SLC35F1: variants seen among roughly 807,000 people sequenced by gnomAD.
The protein encoded by SLC35F1 is chromosome 6 open reading frame 169.
SLC35F1 carries 14 observed loss-of-function variants against 48.7 expected under a neutral mutation model. That is an observed-to-expected ratio of 0.29 (90% CI 0.19 to 0.45). The LOEUF (loss-of-function observed/expected upper bound fraction) is 0.45, where lower values mean the gene tolerates loss of function less well. Among genes scored for constraint, SLC35F1 ranks in the 20% least tolerant of loss-of-function variants. The pLI, the probability that SLC35F1 is intolerant of heterozygous loss-of-function variation, is 1.00. For missense variants in SLC35F1, 404 were observed against 500.0 expected (o/e 0.81, Z 1.83); for synonymous variants, 190 against 202.2 (o/e 0.94, Z 0.51).
chr6:118,080,071 A>T (rs1183509555), intron 1 of SLC35F1, among the ~76,000 whole-genome samples: 1 of 152,198 alleles, frequency 6.6e-6, no homozygotes, highest in Non-Finnish European at 1.5e-5. Flanking sequence ...ACTGAACATT[A>T]AAAAAATTTA....
At position 117,999,403 on chromosome 6, in the gene SLC35F1, T is replaced by A. The variant is rs1777052667; in HGVS notation, c.173+91504T>A. The A allele has an allele frequency of 5.7e-6, 9 of 1,586,770 alleles. No homozygotes were observed. In the South Asian group the frequency reaches 8.8e-5, roughly 16 times the overall value. ...CTGCAGCTCCAGCTTCAGTTCCAGC[T>A]CAGGCTCCCAAAGGTACCCAGGCCC... On this transcript the variant is annotated intron_variant, in intron 1 of 7. Transcript: ENST00000360388.
intron 1 of SLC35F1, among the ~76,000 whole-genome samples, chr6:117,954,826 A>G (rs1271949200): frequency 2.0e-5 from 3 of 152,170 alleles, no homozygotes; most frequent in Admixed American, 1.3e-4. Context: ...TTTCTTGTCT[A>G]TGTAAATGGC....
chr6:117,911,549 C>T (rs553156991), intron 1 of SLC35F1, among the ~76,000 whole-genome samples: 1 of 151,832 alleles, frequency 6.6e-6, no homozygotes, highest in Admixed American at 6.6e-5. Context: ...GATTCTCCCA[C>T]CTCAGCCTCC....
chr6:118,054,900 C>T (rs1209153771), intron 1 of SLC35F1, among the ~76,000 whole-genome samples: 1 of 152,148 alleles, frequency 6.6e-6, no homozygotes, highest in Non-Finnish European at 1.5e-5. Flanking sequence ...CCTCAGCCTC[C>T]CGAGTAGCTA....
At chr6:117,926,193 T>G (rs924766078) in intron 1 of SLC35F1, among the ~76,000 whole-genome samples, 4 of 152,084 alleles carry the variant, frequency 2.6e-5, no homozygotes, top group African/African-American at 9.7e-5. Flanking sequence ...TGAGGGTGGT[T>G]TCCGCCATGC....
At chr6:118,039,796 A>ATTGT (rs1772184992) in intron 1 of SLC35F1, among the ~76,000 whole-genome samples, 1 of 55,916 alleles carries the variant, frequency 1.8e-5, no homozygotes, top group Non-Finnish European at 4.8e-5. Flanking sequence ...GCATCTCAGG[A>ATTGT]TTGTTTTTTT....
At chr6:118,119,494 G>GCCC (rs369126799) in intron 1 of SLC35F1, among the ~76,000 whole-genome samples, 6,216 of 50,978 alleles carry the variant, frequency 0.12, 356 homozygotes, top group East Asian at 0.23. Context: ...AATAACCGGC[G>GCCC]CCCCCCCTCC....
chr6:118,291,307 G>A (rs1041867989), intron 7 of SLC35F1, among the ~76,000 whole-genome samples: 1 of 150,198 alleles, frequency 6.7e-6, no homozygotes, highest in Non-Finnish European at 1.5e-5. Flanking sequence ...TTTGGGAAAA[G>A]CTGTGTGTAT....
rs1416452188 is a variant in SLC35F1, at chr6:118,316,528, A to G, written c.*2276A>G. On this transcript the variant is annotated 3_prime_UTR_variant, in exon 8 of 8. Coordinates refer to ENST00000360388, the MANE Select transcript of SLC35F1 (RefSeq NM_001029858.4). ...GCATTTTTAGTATTTATTTTAAGCC[A>G]GATGTTTTCATCTTTGATTCATTTT... 1 of 152,646 alleles carries G rather than the reference A, an allele frequency of 6.6e-6. No homozygotes were observed. Among genetic ancestry groups the G allele is most frequent in the Admixed American group, 6.5e-5 (1 of 15,284 alleles). 9.5% of individuals were successfully genotyped at this position (152,646 alleles called of 1,614,324 possible).
intron 1 of SLC35F1, among the ~76,000 whole-genome samples, chr6:117,931,802 G>T (rs1309317316): frequency 6.6e-6 from 1 of 152,224 alleles, no homozygotes; most frequent in Non-Finnish European, 1.5e-5. Context: ...ACTGCAGCCA[G>T]TTGCTGCTTA....
intron 1 of SLC35F1, among the ~76,000 whole-genome samples, chr6:118,117,120 T>C (rs1396044034): frequency 1.3e-5 from 2 of 152,198 alleles, no homozygotes; most frequent in African/African-American, 4.8e-5. Context: ...CCCACTCTTC[T>C]TTACCAAAAT....
At chr6:118,123,495 G>T (rs987667943) in intron 1 of SLC35F1, among the ~76,000 whole-genome samples, 6 of 151,998 alleles carry the variant, frequency 3.9e-5, no homozygotes, top group African/African-American at 1.4e-4. Context: ...TTAATAAATG[G>T]CAAGAAAAGA....
At chr6:118,153,195 G>A (rs918397218) in intron 1 of SLC35F1, among the ~76,000 whole-genome samples, 2 of 152,186 alleles carry the variant, frequency 1.3e-5, no homozygotes, top group East Asian at 3.9e-4. Context: ...ATGTAACACC[G>A]CAAATCCTTT....
chr6:117,990,244 AG>A (rs1189465341), intron 1 of SLC35F1, among the ~76,000 whole-genome samples: 2 of 152,202 alleles, frequency 1.3e-5, no homozygotes, highest in African/African-American at 2.4e-5. Flanking sequence ...TGAGCTTTAG[AG>A]TCACAGTTAT....
intron 6 of SLC35F1, 27 bp from the exon 7 acceptor site, chr6:118,285,157 G>A (rs562077588): frequency 2.6e-5 from 42 of 1,607,324 alleles, no homozygotes; most frequent in East Asian, 4.5e-5. Flanking sequence ...AGGCCCTGAC[G>A]CTGCCTTCTC....
At chr6:118,108,827 TGACATTTTATGGGTATGTTATTTTCTC>T in intron 1 of SLC35F1, among the ~76,000 whole-genome samples, 1 of 152,186 alleles carries the variant, frequency 6.6e-6, no homozygotes, top group Non-Finnish European at 1.5e-5. Context: ...TATGTTACAG[TGACATTTTATGGGTATGTTATTTTCTC>T]ACACTGGGAA....
intron 2 of SLC35F1, among the ~76,000 whole-genome samples, chr6:118,188,477 G>C (rs927834777): frequency 2.0e-5 from 3 of 151,858 alleles, no homozygotes; most frequent in African/African-American, 7.3e-5. Flanking sequence ...TTGAACCTGG[G>C]AGGCAGAGGT....
chr6:118,253,059 C>A (rs759708120), intron 3 of SLC35F1, among the ~76,000 whole-genome samples: 1 of 151,962 alleles, frequency 6.6e-6, no homozygotes, highest in Non-Finnish European at 1.5e-5. Context: ...GGAGATAGAT[C>A]CAGATTTGAG....
chr6:118,139,801 T>C (rs1485848838), intron 1 of SLC35F1, among the ~76,000 whole-genome samples: 1 of 152,202 alleles, frequency 6.6e-6, no homozygotes, highest in Non-Finnish European at 1.5e-5. Context: ...GAAGCTGTTA[T>C]CCTTAGCATT....
Sources: gnomAD v4.1 joint callset for allele counts (sites outside exome capture counted in the v4.1 genomes callset) on GRCh38, gnomAD v4.1.1 for gene constraint, MANE v1.5 for transcripts, NCBI Gene and HGNC (gene_info 2026-07-23, HGNC 2026-07-21) for gene names.